SLC23A2: variants seen among roughly 807,000 people sequenced by gnomAD.
SLC23A2 encodes Na(+)/L-ascorbic acid transporter 2.
A neutral mutation model predicts 73.3 loss-of-function variants in SLC23A2; 36 were observed. That is an observed-to-expected ratio of 0.49 (90% CI 0.38 to 0.65). The LOEUF (loss-of-function observed/expected upper bound fraction) is 0.65, where lower values mean the gene tolerates loss of function less well. Among genes scored for constraint, SLC23A2 ranks in the 30% least tolerant of loss-of-function variants. The pLI is 0.00. For missense variants in SLC23A2, 507 were observed against 841.6 expected (o/e 0.60, Z 4.92); for synonymous variants, 343 against 327.3 (o/e 1.05, Z -0.52).
intron 2 of SLC23A2, among the ~76,000 whole-genome samples, chr20:4,935,244 A>G (rs954843157): frequency 6.6e-6 from 1 of 151,866 alleles, no homozygotes; most frequent in Non-Finnish European, 1.5e-5. Flanking sequence ...CTGACAAAGG[A>G]AAGATAATAT....
intron 2 of SLC23A2, among the ~76,000 whole-genome samples, chr20:4,954,425 A>G (rs1257118592): frequency 1.3e-5 from 2 of 152,158 alleles, no homozygotes; most frequent in Non-Finnish European, 2.9e-5. Context: ...AGCTGGGTGC[A>G]GTGGCTCATG....
At chr20:4,860,763 G>A (rs1439737109) in intron 15 of SLC23A2, among the ~76,000 whole-genome samples, 1 of 152,210 alleles carries the variant, frequency 6.6e-6, no homozygotes, top group Non-Finnish European at 1.5e-5. Context: ...GAATGAGGCT[G>A]GGCACAGTGG....
chr20:4,889,012 C>G (rs1931211644), intron 6 of SLC23A2, among the ~76,000 whole-genome samples: 1 of 152,174 alleles, frequency 6.6e-6, no homozygotes, highest in Non-Finnish European at 1.5e-5. Flanking sequence ...CATTTTGTCA[C>G]CTGATAAATG....
chr20:4,859,321 C>T lies in SLC23A2; in HGVS notation c.1688G>A (p.Cys563Tyr). ...GGTGTTATCCAGGATAAAAGCCACA[C>T]AGCCCCCTACAAACATAGCAGTTGT... Reference protein sequence around the residue: ...LLTTAMFVGGCVAFILDNTIP... With the variant: ...LLTTAMFVGGYVAFILDNTIP... The change falls in exon 16 of 17, where the codon TGT becomes TAT. Residue 563 changes from cysteine to tyrosine, a missense_variant. Physicochemically the swap from Cys to Tyr is radical, Grantham distance 194 (BLOSUM62 -2). Coordinates refer to ENST00000338244, the MANE Select transcript of SLC23A2 (RefSeq NM_005116.6). The T allele has an allele frequency of 6.2e-7, 1 of 1,611,714 alleles. No homozygotes were observed. Among genetic ancestry groups the T allele is most frequent in the Non-Finnish European group, 8.5e-7 (1 of 1,178,528 alleles).
rs556397440 is a variant in SLC23A2, at chr20:4,855,670, C to T, written c.*1302G>A. On this transcript the variant is annotated 3_prime_UTR_variant, in exon 17 of 17. Transcript: ENST00000338244. ...CTTAAGCCAAGACTTGCAACAGAAG[C>T]CCGGCAAGCGGGACAGACCGGCGGA... 6.5e-6 allele frequency: 1 copy of T among 152,766 alleles called. No individual in the cohort carries two copies. The highest frequency in any genetic ancestry group is 2.4e-5 in the African/African-American group (1 of 41,556). 9.5% of individuals were successfully genotyped at this position (152,766 alleles called of 1,614,324 possible). A position where few individuals can be genotyped will look rare whatever the true frequency, so the allele number is the denominator to read the frequency against.
At position 4,859,311 on chromosome 20, in the gene SLC23A2, A is replaced by G. The variant is rs1600071008; in HGVS notation, c.1698T>C (p.Phe566=). ...TACCTGGGATGGTGTTATCCAGGATAAAAGCCACACAGCCCCCTACAAACA... is the reference window on the plus strand; with the variant it reads ...TACCTGGGATGGTGTTATCCAGGATGAAAGCCACACAGCCCCCTACAAACA... The part of the protein sequence containing the change: ...TAMFVGGCVA[F]ILDNTIPGTP... The change falls in exon 16 of 17, where the codon TTT becomes TTC. Residue 566 remains phenylalanine, a synonymous_variant. Transcript: ENST00000338244. 6.2e-7 allele frequency: 1 copy of G among 1,611,142 alleles called. No homozygotes were observed. The highest frequency in any genetic ancestry group is 8.5e-7 in the Non-Finnish European group (1 of 1,177,308).
intron 3 of SLC23A2, among the ~76,000 whole-genome samples, chr20:4,921,849 A>G (rs1932508628): frequency 6.6e-6 from 1 of 152,204 alleles, no homozygotes; most frequent in Non-Finnish European, 1.5e-5. Context: ...AGAACATATC[A>G]GCATTCTTGC....
chr20:4,980,515 C>T (rs1305478869), intron 1 of SLC23A2, among the ~76,000 whole-genome samples: 1 of 151,672 alleles, frequency 6.6e-6, no homozygotes, highest in Non-Finnish European at 1.5e-5. Context: ...TATATATGCA[C>T]ATTTTACTTT....
intron 6 of SLC23A2, among the ~76,000 whole-genome samples, chr20:4,890,749 G>T (rs952016022): frequency 6.6e-6 from 1 of 152,004 alleles, no homozygotes; most frequent in Non-Finnish European, 1.5e-5. Context: ...TCCATCCATC[G>T]ACCTGCTGAA....
At chr20:4,937,696 C>T (rs1456825442) in intron 2 of SLC23A2, among the ~76,000 whole-genome samples, 1 of 152,188 alleles carries the variant, frequency 6.6e-6, no homozygotes, top group African/African-American at 2.4e-5. Context: ...TCTGAACCTG[C>T]CATTACACTG....
chr20:4,974,912 C>T (rs2087619771), intron 1 of SLC23A2, among the ~76,000 whole-genome samples: 1 of 152,086 alleles, frequency 6.6e-6, no homozygotes. Context: ...CTCAGCCTCC[C>T]GAGTAGCTGG....
chr20:4,968,087 G>A (rs2087502569), intron 2 of SLC23A2, among the ~76,000 whole-genome samples: 1 of 152,160 alleles, frequency 6.6e-6, no homozygotes, highest in Non-Finnish European at 1.5e-5. Context: ...ACATTATGCT[G>A]AGGCTCTTTC....
intron 11 of SLC23A2, among the ~76,000 whole-genome samples, chr20:4,871,623 G>C (rs1454776111): frequency 1.3e-5 from 2 of 152,178 alleles, no homozygotes; most frequent in South Asian, 2.1e-4. Context: ...GTGCGGTTAA[G>C]GGCAGAATTG....
In SLC23A2 at chr20:4,874,023, C is replaced by A; in HGVS notation, c.1015G>T (p.Asp339Tyr). 1 of 1,614,104 alleles carries A rather than the reference C, an allele frequency of 6.2e-7. No individual in the cohort carries two copies. Among genetic ancestry groups the A allele is most frequent in the Non-Finnish European group, 8.5e-7 (1 of 1,179,994 alleles). ...GCATAGAAGCCATACTTTGTGCTGT[C>A]GGGAGGGAAGACATCTGTCACCGTG... The part of the protein sequence containing the change: ...IFTVTDVFPP[D>Y]STKYGFYART... The change falls in exon 11 of 17, where the codon GAC (aspartate) becomes TAC (tyrosine). Residue 339 changes from aspartate (D) to tyrosine (Y), a missense_variant. Asp to Tyr is a radical substitution (Grantham distance 160, BLOSUM62 -3). Transcript: ENST00000338244.
Position 4,899,623 on chromosome 20 carries a change from G to A in SLC23A2, c.414C>T (p.Ser138=), listed in dbSNP as rs1931673096. Residue 138 remains serine, a synonymous_variant, in exon 6 of 17, where the codon AGC becomes AGT. Transcript: ENST00000338244. The surrounding 1 kb of genome is among the most constrained non-coding windows in gnomAD (Gnocchi z 4.9). ...AGAAGAAAATGGTCCCAATGAGCTG[G>A]CTGGTGGCCCACTGGTCGTACCCCA... is the stretch of plus-strand genomic sequence containing the variant. ...MCVGYDQWAT[S]QLIGTIFFCV... 6.2e-7 allele frequency: 1 copy of A among 1,614,004 alleles called. No homozygotes were observed. The highest frequency in any genetic ancestry group is 1.7e-5 in the Admixed American group (1 of 60,008).
chr20:4,928,494 T>A (rs1932745114), intron 3 of SLC23A2, among the ~76,000 whole-genome samples: 1 of 152,174 alleles, frequency 6.6e-6, no homozygotes, highest in South Asian at 2.1e-4. Flanking sequence ...AGACTAAGGT[T>A]CATCTTGGCA....
rs894729356 is a variant in SLC23A2 at position 4,899,180 on chromosome 20, A to G, written c.482+375T>C. Among the ~76,000 whole-genome samples, 4 of 152,180 alleles carry G rather than the reference A, an allele frequency of 2.6e-5. No individual in the cohort carries two copies. Among genetic ancestry groups the G allele is most frequent in the Non-Finnish European group, 4.4e-5 (3 of 68,032 alleles). On this transcript the variant is annotated intron_variant, in intron 6 of 16. Transcript: ENST00000338244. The surrounding 1 kb of genome is among the most constrained non-coding windows in gnomAD (Gnocchi z 4.9). ...GGCACTGGGTGTGGGGCACAAAGTG[A>G]GTCCAAGAGCAGTGCCCTGGAGGCA...
chr20:4,887,582 C>T (rs1931151529), intron 6 of SLC23A2, among the ~76,000 whole-genome samples: 1 of 152,214 alleles, frequency 6.6e-6, no homozygotes, highest in Non-Finnish European at 1.5e-5. Context: ...ACCTTGGCAT[C>T]CGACCTGGGC....
chr20:4,901,624 C>T (rs1041969986), intron 5 of SLC23A2, among the ~76,000 whole-genome samples: 1 of 152,174 alleles, frequency 6.6e-6, no homozygotes, highest in Non-Finnish European at 1.5e-5. Context: ...CTGAGCCCGG[C>T]TGCCCTCCCC....
Sources: allele counts gnomAD v4.1 joint callset (sites outside exome capture counted in the v4.1 genomes callset), GRCh38; gene constraint gnomAD v4.1.1; non-coding constraint Gnocchi (gnomAD v3.1); transcripts MANE v1.5; gene names NCBI Gene and HGNC (gene_info 2026-07-23, HGNC 2026-07-21).